Variants in SPSB4 observed in about 807,000 individuals in gnomAD.
The protein encoded by SPSB4 is SPRY domain-containing SOCS box protein 4.
A neutral mutation model predicts 20.9 loss-of-function variants in SPSB4; 21 were observed. The ratio of observed to expected loss-of-function variants is 1.01; its 90% CI spans 0.71 to 1.45. The LOEUF is 1.45. Ranked by LOEUF, SPSB4 falls within the 40% of genes most tolerant of loss-of-function variation. SPSB4 has a pLI of 0.00. For synonymous variants in SPSB4, 207 were observed against 183.8 expected (o/e 1.13, Z -1.02); for missense variants, 399 against 399.2 (o/e 1.00, Z 0.00).
At chr3:141,101,019 C>T (rs1033599251) in intron 2 of SPSB4, among the ~76,000 whole-genome samples, 8 of 152,198 alleles carry the variant, frequency 5.3e-5, no homozygotes, top group African/African-American at 1.9e-4. Context: ...AATGGAAACT[C>T]CCAGACAGCA....
chr3:141,132,142 TC>T, intron 2 of SPSB4: 1 of 404,998 alleles, frequency 2.5e-6, no homozygotes, highest in African/African-American at 2.2e-5. Context: ...TCCCACCCTT[TC>T]CCCCAGGTCC....
intron 2 of SPSB4, among the ~76,000 whole-genome samples, chr3:141,074,082 C>T (rs1000706667): frequency 6.6e-6 from 1 of 152,146 alleles, no homozygotes; most frequent in Non-Finnish European, 1.5e-5. Context: ...CATTTGAAAT[C>T]AGGCTTAATC....
chr3:141,131,795 G>A (rs1939135092), intron 2 of SPSB4, among the ~76,000 whole-genome samples: 1 of 152,166 alleles, frequency 6.6e-6, no homozygotes, highest in Non-Finnish European at 1.5e-5. Flanking sequence ...ATGAGCATTT[G>A]TGAATGAACA....
Position 141,131,545 on chromosome 3 carries a change from T to C in SPSB4, c.695-15597T>C, listed in dbSNP as rs141835895. On this transcript the variant is annotated intron_variant, in intron 2 of 2. Transcript: ENST00000310546. ...ATCACTACTCCCTTAAGGTCACCTC[T>C]GCCCTAACTTCATCACCTTGCTTTT... 9.5e-3 allele frequency among the ~76,000 whole-genome samples: 1,436 copies of C among 151,094 alleles called. 26 individuals carry two copies. Among genetic ancestry groups the C allele is most frequent in the African/African-American group, 0.033 (1,378 of 41,204 alleles).
Position 141,066,184 on chromosome 3 carries a change from G to T in SPSB4, c.80G>T (p.Arg27Leu). ...CTGCGGCCGGCCAAGCGGGAGCTGC[G>T]GGGTGCAGAGCCCGGGCGGCCGGCG... is the stretch of plus-strand genomic sequence containing the variant. ...PALRPAKREL[R>L]GAEPGRPARL... The change falls in exon 2 of 3, where the codon CGG (arginine) becomes CTG (leucine). Residue 27 changes from arginine to leucine, a missense_variant. By Grantham distance (102) the Arg-to-Leu change is moderately radical. Transcript: ENST00000310546. The T allele has an allele frequency of 6.5e-7, 1 of 1,533,282 alleles. No homozygotes were observed. Among genetic ancestry groups the T allele is most frequent in the Non-Finnish European group, 8.8e-7 (1 of 1,141,926 alleles). The allele number at this position is 1,533,282 out of a possible 1,614,324, so 95.0% of individuals were successfully genotyped here.
rs1320426415 is a variant in SPSB4, at chr3:141,066,004, G to A, written c.-101G>A. ...AGAGGCTGTGGAGGTCTACCGTCCG[G>A]AAGCCTGGTTCCCAGCCCCGTGGCC... On this transcript the variant is annotated 5_prime_UTR_variant, in exon 2 of 3. Coordinates refer to ENST00000310546, the MANE Select transcript of SPSB4 (RefSeq NM_080862.3). 1 of 1,136,298 alleles carries A rather than the reference G, an allele frequency of 8.8e-7. No homozygotes were observed. The highest frequency in any genetic ancestry group is 1.2e-6 in the Non-Finnish European group (1 of 847,760). 70.4% of individuals were successfully genotyped at this position (1,136,298 alleles called of 1,614,324 possible).
At chr3:141,119,930 T>A (rs1938938893) in intron 2 of SPSB4, among the ~76,000 whole-genome samples, 1 of 152,180 alleles carries the variant, frequency 6.6e-6, no homozygotes, top group Non-Finnish European at 1.5e-5. Context: ...TCTGCTCTGA[T>A]CTTAGTTATT....
At chr3:141,055,303 G>A (rs2107773679) in intron 1 of SPSB4, among the ~76,000 whole-genome samples, 1 of 152,304 alleles carries the variant, frequency 6.6e-6, no homozygotes. Context: ...TGCTAGAAGG[G>A]GCAGGGGAGT....
At chr3:141,140,728 T>C (rs1044806329) in intron 2 of SPSB4, among the ~76,000 whole-genome samples, 9 of 152,194 alleles carry the variant, frequency 5.9e-5, no homozygotes, top group Non-Finnish European at 1.2e-4. Flanking sequence ...GTGTGAGGTG[T>C]CAGTCTGCCC....
At chr3:141,145,602 G>A (rs536422384) in intron 2 of SPSB4, among the ~76,000 whole-genome samples, 1 of 152,078 alleles carries the variant, frequency 6.6e-6, no homozygotes, top group Non-Finnish European at 1.5e-5. Flanking sequence ...CCACTCAACA[G>A]TTTTGTTGTA....
intron 2 of SPSB4, among the ~76,000 whole-genome samples, chr3:141,124,480 G>A (rs111479503): frequency 7.0e-4 from 106 of 152,168 alleles, no homozygotes; most frequent in Non-Finnish European, 1.1e-3. Context: ...TGCCTAGGAG[G>A]GTCTGATGAG....
intron 1 of SPSB4, among the ~76,000 whole-genome samples, chr3:141,064,935 C>G (rs985241826): frequency 3.3e-5 from 5 of 152,158 alleles, no homozygotes; most frequent in South Asian, 2.1e-4. Context: ...TTTACCTGAT[C>G]GAACAAAGAG....
intron 2 of SPSB4, among the ~76,000 whole-genome samples, chr3:141,143,175 C>T (rs1202469678): frequency 2.6e-5 from 4 of 152,082 alleles, no homozygotes; most frequent in African/African-American, 2.4e-5. Flanking sequence ...TTATAAGAAT[C>T]GCTACTCTTG....
At position 141,051,494 on chromosome 3, in the gene SPSB4, A is replaced by AG. The variant is rs1234496043; in HGVS notation, c.-648dup. ...CCCGCGCACAAAAGCACCCAGCCCCAGGGGAGGGCGATGAACACACCACAT... is the reference window on the plus strand; with the variant it reads ...CCCGCGCACAAAAGCACCCAGCCCCAGGGGGAGGGCGATGAACACACCACAT... On this transcript the variant is annotated 5_prime_UTR_variant, in exon 1 of 3. Coordinates refer to ENST00000310546, the MANE Select transcript of SPSB4 (RefSeq NM_080862.3). The AG allele has an allele frequency of 2.0e-5, 3 of 152,448 alleles. No individual in the cohort carries two copies. The highest frequency in any genetic ancestry group is 7.3e-5 in the African/African-American group (3 of 41,194). The allele number at this position is 152,448 out of a possible 1,614,324, so 9.4% of individuals were successfully genotyped here. A position where few individuals can be genotyped will look rare whatever the true frequency, so the allele number is the denominator to read the frequency against.
At position 141,051,352 on chromosome 3, in the gene SPSB4, G is replaced by A. The variant is rs565633045; in HGVS notation, c.-794G>A. On this transcript the variant is annotated 5_prime_UTR_variant, in exon 1 of 3. Transcript: ENST00000310546. ...CTTCAGGGATGAGCTCAGCCAGATC[G>A]GCTTTCAGCTGCAGCCTCCGGGCCG... 6.5e-6 allele frequency: 1 copy of A among 153,926 alleles called. No individual in the cohort carries two copies. Among genetic ancestry groups the A allele is most frequent in the South Asian group, 1.8e-4 (1 of 5,684 alleles). The allele number at this position is 153,926 out of a possible 1,614,324, so 9.5% of individuals were successfully genotyped here.
chr3:141,117,104 A>C (rs1938890881), intron 2 of SPSB4: 1 of 152,224 alleles, frequency 6.6e-6, no homozygotes, highest in Non-Finnish European at 1.5e-5. Flanking sequence ...CCAGCCGCCT[A>C]TTTTTCACCT....
chr3:141,137,767 G>T (rs1412562495), intron 2 of SPSB4, among the ~76,000 whole-genome samples: 1 of 152,234 alleles, frequency 6.6e-6, no homozygotes, highest in Non-Finnish European at 1.5e-5. Flanking sequence ...TTGCATCAAT[G>T]TTCATCAAGG....
chr3:141,129,016 A>AGG (rs1939094097), intron 2 of SPSB4, among the ~76,000 whole-genome samples: 1 of 152,172 alleles, frequency 6.6e-6, no homozygotes. Context: ...ACACATCCAA[A>AGG]AAGGAAGCTG....
intron 2 of SPSB4, among the ~76,000 whole-genome samples, chr3:141,111,704 T>C (rs1938800520): frequency 6.6e-6 from 1 of 152,118 alleles, no homozygotes; most frequent in Non-Finnish European, 1.5e-5. Context: ...CTCTAGGGTG[T>C]TTTTGGAATG....
Sources: gnomAD v4.1 joint callset for allele counts (sites outside exome capture counted in the v4.1 genomes callset) on GRCh38, gnomAD v4.1.1 for gene constraint, MANE v1.5 for transcripts, NCBI Gene and HGNC (gene_info 2026-07-23, HGNC 2026-07-21) for gene names.